Variants in CAPSL observed in about 807,000 individuals in gnomAD.
CAPSL encodes the protein calcyphosin-like protein.
In CAPSL, 17 loss-of-function variants were observed where a neutral mutation model predicts 21.3. The observed-to-expected ratio is 0.80, with a 90% CI of 0.55 to 1.20. The LOEUF is 1.20. CAPSL is among the 50% of genes most tolerant of loss of function. The pLI is 0.00. For missense variants in CAPSL, 289 were observed against 259.3 expected, an observed-to-expected ratio of 1.11 and a Z score of -0.79; for synonymous variants, 102 against 89.3, an observed-to-expected ratio of 1.14 and a Z score of -0.80.
At chr5:35,912,943 G>T (rs1358606010) in intron 2 of CAPSL, among the ~76,000 whole-genome samples, 1 of 152,074 alleles carries the variant, frequency 6.6e-6, no homozygotes, top group Non-Finnish European at 1.5e-5. Context: ...CCATGGCAAA[G>T]AAGTTAAAAA....
At chr5:35,910,606 T>G in intron 2 of CAPSL, 63 bp from the exon 3 acceptor site, 1 of 1,264,028 alleles carries the variant, frequency 7.9e-7, no homozygotes, top group Non-Finnish European at 1.1e-6. Context: ...AGTGTAAAGA[T>G]TAAAAAAAAA....
chr5:35,920,751 C>T (rs1000220533), intron 2 of CAPSL, among the ~76,000 whole-genome samples: 1 of 152,170 alleles, frequency 6.6e-6, no homozygotes, highest in Non-Finnish European at 1.5e-5. Flanking sequence ...CATATTTTCC[C>T]AGAGCTGCAC....
chr5:35,916,604 G>C (rs553141488), intron 2 of CAPSL, among the ~76,000 whole-genome samples: 2 of 152,322 alleles, frequency 1.3e-5, no homozygotes, highest in African/African-American at 4.8e-5. Context: ...ACAAAAACAA[G>C]TAATGGGGAA....
rs765172267 is a variant in CAPSL, at chr5:35,910,442, A to T, written c.239T>A (p.Val80Glu). The part of the protein sequence containing the change: ...DYAVVMEKEE[V>E]EELFRRFDKD... ...ATCAAACCTCCGGAAAAGTTCTTCC[A>T]CCTCTTCTTTTTCCATGACCACAGC... is the stretch of plus-strand genomic sequence containing the variant. Residue 80 changes from valine (V) to glutamate (E), a missense_variant, in exon 3 of 5, where the codon GTG becomes GAG. Transcript: ENST00000651391. The T allele has an allele frequency of 6.2e-7, 1 of 1,613,810 alleles. No homozygotes were observed. Among genetic ancestry groups the T allele is most frequent in the Non-Finnish European group, 8.5e-7 (1 of 1,179,764 alleles).
At chr5:35,922,140 T>A (rs955715446) in intron 1 of CAPSL, among the ~76,000 whole-genome samples, 2 of 151,692 alleles carry the variant, frequency 1.3e-5, no homozygotes, top group Non-Finnish European at 2.9e-5. Context: ...CCAGTCAAAT[T>A]CTGGCACTTC....
intron 1 of CAPSL, among the ~76,000 whole-genome samples, chr5:35,929,417 C>T (rs562955129): frequency 4.6e-5 from 7 of 151,904 alleles, no homozygotes; most frequent in East Asian, 1.9e-4. Context: ...CTCAGCCTCC[C>T]GAGTAGCTAG....
chr5:35,924,749 A>G (rs1738629278), intron 1 of CAPSL, among the ~76,000 whole-genome samples: 1 of 152,218 alleles, frequency 6.6e-6, no homozygotes, highest in Non-Finnish European at 1.5e-5. Context: ...AAGCCCTTGA[A>G]TAGCCTAGAG....
At chr5:35,936,462 G>A (rs1162489135) in intron 1 of CAPSL, among the ~76,000 whole-genome samples, 1 of 152,014 alleles carries the variant, frequency 6.6e-6, no homozygotes, top group African/African-American at 2.4e-5. Flanking sequence ...ACTTTCTCAT[G>A]CCCCATTCAT....
intron 2 of CAPSL, among the ~76,000 whole-genome samples, chr5:35,920,775 A>G (rs1738515627): frequency 6.6e-6 from 1 of 152,202 alleles, no homozygotes; most frequent in Non-Finnish European, 1.5e-5. Flanking sequence ...CTTGTAGCAG[A>G]TATGAGTCTT....
chr5:35,913,034 C>A (rs1738274469), intron 2 of CAPSL, among the ~76,000 whole-genome samples: 1 of 152,124 alleles, frequency 6.6e-6, no homozygotes, highest in African/African-American at 2.4e-5. Context: ...GAGCTGAAAA[C>A]CATGACAAGA....
intron 2 of CAPSL, among the ~76,000 whole-genome samples, chr5:35,916,561 A>T (rs571033788): frequency 6.6e-6 from 1 of 152,142 alleles, no homozygotes; most frequent in East Asian, 1.9e-4. Context: ...ATAATGCCAC[A>T]TATCTACAAC....
chr5:35,913,591 C>T (rs1738290618), intron 2 of CAPSL, among the ~76,000 whole-genome samples: 3 of 152,132 alleles, frequency 2.0e-5, no homozygotes, highest in Admixed American at 6.5e-5. Flanking sequence ...CACAGAATTT[C>T]GTATCCAGCC....
intron 1 of CAPSL, among the ~76,000 whole-genome samples, chr5:35,936,192 C>G (rs1198859745): frequency 6.6e-6 from 1 of 152,118 alleles, no homozygotes; most frequent in Non-Finnish European, 1.5e-5. Flanking sequence ...AAGTATAGCG[C>G]TCTAAGGGCA....
Position 35,919,801 on chromosome 5 carries a change from G to A in CAPSL, c.137+1183C>T, listed in dbSNP as rs553038319. ...TTCTGCAAAAGGCTTAGGATGGAAC[G>A]GTGTCCATTGACTGTAGACTGGTTC... On this transcript the variant is annotated intron_variant, in intron 2 of 4. Coordinates refer to ENST00000651391, the MANE Select transcript of CAPSL (RefSeq NM_001042625.2). Among the ~76,000 whole-genome samples, 10 of 152,232 alleles carry A rather than the reference G, an allele frequency of 6.6e-5. No individual in the cohort carries two copies. In the East Asian group the frequency reaches 1.5e-3, roughly 24 times the overall value.
At chr5:35,923,535 G>T (rs1738592020) in intron 1 of CAPSL, among the ~76,000 whole-genome samples, 1 of 152,124 alleles carries the variant, frequency 6.6e-6, no homozygotes, top group South Asian at 2.1e-4. Flanking sequence ...AGCAAATTGT[G>T]GTATAGCCAT....
At chr5:35,931,438 CA>C (rs10710256) in intron 1 of CAPSL, among the ~76,000 whole-genome samples, 135,217 of 144,014 alleles carry the variant, frequency 0.94, 63,684 homozygotes, top group Non-Finnish European at 0.99. Flanking sequence ...CAATGTGTTA[CA>C]AAAAAAAAAA....
intron 2 of CAPSL, among the ~76,000 whole-genome samples, chr5:35,918,302 T>C (rs761021407): frequency 3.3e-5 from 5 of 152,228 alleles, no homozygotes; most frequent in Non-Finnish European, 5.9e-5. Context: ...GTTCATGTCC[T>C]TTGCAGGGAT....
At chr5:35,926,548 C>T (rs541659421) in intron 1 of CAPSL, among the ~76,000 whole-genome samples, 20 of 152,278 alleles carry the variant, frequency 1.3e-4, no homozygotes, top group African/African-American at 4.8e-4. Context: ...CTTCATGGTT[C>T]CCTCCGTAAG....
In CAPSL at chr5:35,931,438, C is replaced by CA. The variant is rs10710256; in HGVS notation, c.-1+7102dup. Among the ~76,000 whole-genome samples, 875 of 144,000 alleles carry CA rather than the reference C, an allele frequency of 6.1e-3. 17 individuals carry two copies. The highest frequency in any genetic ancestry group is 0.056 in the East Asian group (277 of 4,964). The allele number at this position is 144,000 out of a possible 152,430, so 94.5% of individuals were successfully genotyped here. On this transcript the variant is annotated intron_variant, in intron 1 of 4. Transcript: ENST00000651391. ...CCCATGTAACTGACACAATGTGTTACAAAAAAAAAAAAACAAGGTTTAATA... is the reference window on the plus strand; with the variant it reads ...CCCATGTAACTGACACAATGTGTTACAAAAAAAAAAAAAACAAGGTTTAATA...
Sources: allele counts gnomAD v4.1 joint callset (sites outside exome capture counted in the v4.1 genomes callset), GRCh38; gene constraint gnomAD v4.1.1; transcripts MANE v1.5; gene names NCBI Gene and HGNC (gene_info 2026-07-23, HGNC 2026-07-21).